NSL1: variants seen among roughly 807,000 people sequenced by gnomAD.
The protein encoded by NSL1 is NSL1 component of MIS12 kinetochore complex, also known as kinetochore-associated protein NSL1 homolog.
NSL1 carries 11 observed loss-of-function variants against 25.4 expected under a neutral mutation model. That is an observed-to-expected ratio of 0.43 (90% confidence interval 0.27 to 0.72). NSL1 has a LOEUF of 0.72. Among genes scored for constraint, NSL1 ranks in the 30% least tolerant of loss-of-function variants. The pLI, the probability that NSL1 is intolerant of heterozygous loss-of-function variation, is 0.19. For synonymous variants in NSL1, 118 were observed against 120.6 expected, an observed-to-expected ratio of 0.98 and a Z score of 0.14; for missense variants, 330 against 342.7, an observed-to-expected ratio of 0.96 and a Z score of 0.29.
Position 212,732,090 on chromosome 1 carries a change from T to C in NSL1, c.*6318A>G. Reference sequence around the variant, plus strand: ...GTTTTTATTATTATGGCTATATAAATATTGTTCACTGGAGAACTAATTTGT... The same window carrying C: ...GTTTTTATTATTATGGCTATATAAACATTGTTCACTGGAGAACTAATTTGT... On this transcript the variant is annotated 3_prime_UTR_variant, in exon 6 of 6. Transcript: ENST00000366977. 2 of 980,810 alleles carry C rather than the reference T, an allele frequency of 2.0e-6. No individual in the cohort carries two copies. Among genetic ancestry groups the C allele is most frequent in the South Asian group, 4.7e-5 (1 of 21,166 alleles). 60.8% of individuals were successfully genotyped at this position (980,810 alleles called of 1,614,324 possible).
intron 2 of NSL1, among the ~76,000 whole-genome samples, chr1:212,787,029 GC>G (rs139683991): frequency 0.023 from 3,453 of 152,002 alleles, 60 homozygotes; most frequent in South Asian, 0.042. Context: ...AGGCGTGGTG[GC>G]CACATGCCTG....
intron 3 of NSL1, among the ~76,000 whole-genome samples, chr1:212,783,296 G>T (rs1014643257): frequency 3.3e-5 from 5 of 152,028 alleles, no homozygotes; most frequent in South Asian, 2.1e-4. Context: ...TAGTTTTGGG[G>T]GTTTAGGGGT....
intron 2 of NSL1, among the ~76,000 whole-genome samples, chr1:212,786,525 T>A (rs1043968540): frequency 1.3e-5 from 2 of 152,112 alleles, no homozygotes; most frequent in African/African-American, 4.8e-5. Flanking sequence ...ATCACAAAAT[T>A]TGAACAGAAG....
rs1658184002 is a variant in NSL1, at chr1:212,735,215, T to C, written c.*3193A>G. The C allele has an allele frequency of 1.5e-6, 1 of 681,798 alleles. No homozygotes were observed. 42.2% of individuals were successfully genotyped at this position (681,798 alleles called of 1,614,324 possible). ...GATCATAGACAGGTTAAGTAACTTG[T>C]CCAATATCATTGAACTAATAATGGT... On this transcript the variant is annotated 3_prime_UTR_variant, in exon 6 of 6. Coordinates refer to ENST00000366977, the MANE Select transcript of NSL1 (RefSeq NM_015471.4).
intron 4 of NSL1, among the ~76,000 whole-genome samples, chr1:212,740,608 G>A (rs1190205487): frequency 3.3e-5 from 5 of 152,016 alleles, no homozygotes; most frequent in Non-Finnish European, 7.4e-5. Context: ...TGTATAGACA[G>A]TAAGTTCAGC....
intron 1 of NSL1, among the ~76,000 whole-genome samples, chr1:212,788,572 T>C (rs1446327886): frequency 6.6e-6 from 1 of 152,188 alleles, no homozygotes; most frequent in Non-Finnish European, 1.5e-5. Flanking sequence ...TTGGACTTCA[T>C]CAAAATTTTT....
Position 212,735,430 on chromosome 1 carries a change from C to T in NSL1, c.*2978G>A, listed in dbSNP as rs1658193946. 3 of 985,248 alleles carry T rather than the reference C, an allele frequency of 3.0e-6. No homozygotes were observed. The highest frequency in any genetic ancestry group is 3.6e-6 in the Non-Finnish European group (3 of 829,916). 61.0% of individuals were successfully genotyped at this position (985,248 alleles called of 1,614,324 possible). On this transcript the variant is annotated 3_prime_UTR_variant, in exon 6 of 6. Transcript: ENST00000366977. The stretch of plus-strand genomic sequence containing the variant: ...CTTAGAAAAGAAAAAGTACATCTTA[C>T]AAGATGAAATCATACTGTTTGAAGC...
chr1:212,753,778 A>G (rs1342964290), intron 4 of NSL1, among the ~76,000 whole-genome samples: 1 of 152,226 alleles, frequency 6.6e-6, no homozygotes, highest in Non-Finnish European at 1.5e-5. Flanking sequence ...TTTGTGAGAG[A>G]GCATAAACAA....
Position 212,731,125 on chromosome 1 carries a change from A to AT in NSL1, c.*7282dup, listed in dbSNP as rs1455150357. On this transcript the variant is annotated 3_prime_UTR_variant, in exon 6 of 6. Coordinates refer to ENST00000366977, the MANE Select transcript of NSL1 (RefSeq NM_015471.4). ...CCCTTCAGTGGTTCTCTAGAGAGAT[A>AT]TTTTTTTCTTCAGAGACTTTCATAA... The AT allele has an allele frequency of 2.0e-6, 2 of 983,188 alleles. No homozygotes were observed. The highest frequency in any genetic ancestry group is 2.4e-6 in the Non-Finnish European group (2 of 829,264). 60.9% of individuals were successfully genotyped at this position (983,188 alleles called of 1,614,324 possible).
At position 212,736,742 on chromosome 1, in the gene NSL1, C is replaced by T. The variant is rs1658247519; in HGVS notation, c.*1666G>A. On this transcript the variant is annotated 3_prime_UTR_variant, in exon 6 of 6. Coordinates refer to ENST00000366977, the MANE Select transcript of NSL1 (RefSeq NM_015471.4). ...TTTCCAACACAAAGTAGAATATAGT[C>T]ATTACACAGATTCAACATTAACAGG... 4.1e-6 allele frequency: 4 copies of T among 984,222 alleles called. No homozygotes were observed. Among genetic ancestry groups the T allele is most frequent in the Non-Finnish European group, 4.8e-6 (4 of 828,994 alleles). The allele number at this position is 984,222 out of a possible 1,614,324, so 61.0% of individuals were successfully genotyped here. A position where few individuals can be genotyped will look rare whatever the true frequency, so the allele number is the denominator to read the frequency against.
Position 212,780,004 on chromosome 1 carries a change from A to G in NSL1, c.499+2368T>C, listed in dbSNP as rs1288071374. ...GGCCGCCACCCCGTCTGGGAGGTGT[A>G]CCCAACAGCTCATTGAGAACGGGCC... On this transcript the variant is annotated intron_variant, in intron 4 of 5. Transcript: ENST00000366977. 4.9e-4 allele frequency among the ~76,000 whole-genome samples: 74 copies of G among 151,868 alleles called. No homozygotes were observed. The East Asian group carries it at 0.014, about 29-fold the overall frequency.
At position 212,738,461 on chromosome 1, in the gene NSL1, G is replaced by A. The variant is rs770260663; in HGVS notation, c.793C>T (p.Pro265Ser). The change falls in exon 6 of 6, where the codon CCC becomes TCC. Residue 265 changes from proline (P) to serine (S), a missense_variant. Physicochemically the swap from Pro to Ser is moderately conservative, Grantham distance 74. Coordinates refer to ENST00000366977, the MANE Select transcript of NSL1 (RefSeq NM_015471.4). ...VLKRKQTKDC[P>S]QRKWYPLRPK... ...CGCAATGGATACCATTTTCTCTGGGGGCAGTCTTTAGTTTGCTTTCTTTTC... is the reference window on the plus strand; with the variant it reads ...CGCAATGGATACCATTTTCTCTGGGAGCAGTCTTTAGTTTGCTTTCTTTTC... The A allele has an allele frequency of 1.2e-6, 2 of 1,613,902 alleles. No individual in the cohort carries two copies. The highest frequency in any genetic ancestry group is 1.7e-5 in the Admixed American group (1 of 60,006).
intron 4 of NSL1, chr1:212,782,137 G>T: frequency 1.4e-6 from 1 of 706,806 alleles, no homozygotes; most frequent in Non-Finnish European, 2.6e-6. Context: ...GTCTGGGTCA[G>T]GCAAGAACTT....
At position 212,729,671 on chromosome 1, in the gene NSL1, A is replaced by T. The variant is rs765715599; in HGVS notation, c.*8737T>A. 6.1e-6 allele frequency: 6 copies of T among 985,398 alleles called. No individual in the cohort carries two copies. The highest frequency in any genetic ancestry group is 7.2e-6 in the Non-Finnish European group (6 of 829,924). 61.0% of individuals were successfully genotyped at this position (985,398 alleles called of 1,614,324 possible). On this transcript the variant is annotated 3_prime_UTR_variant, in exon 6 of 6. Coordinates refer to ENST00000366977, the MANE Select transcript of NSL1 (RefSeq NM_015471.4). The stretch of plus-strand genomic sequence containing the variant: ...TTCGAACACTTATTTTAACCTTTTC[A>T]CCAAATTTTTGTCAGAGAAGGAAAT...
intron 4 of NSL1, among the ~76,000 whole-genome samples, chr1:212,758,431 T>C (rs1406991943): frequency 6.6e-6 from 1 of 152,180 alleles, no homozygotes; most frequent in Non-Finnish European, 1.5e-5. Flanking sequence ...TAAACAACTA[T>C]TAGAACTAAT....
At chr1:212,741,115 G>T (rs1658482183) in intron 4 of NSL1, among the ~76,000 whole-genome samples, 1 of 152,050 alleles carries the variant, frequency 6.6e-6, no homozygotes, top group Admixed American at 6.6e-5. Flanking sequence ...TCCTTGCCTT[G>T]AAATAACATC....
At chr1:212,771,312 C>G (rs1660099245) in intron 4 of NSL1, among the ~76,000 whole-genome samples, 1 of 151,868 alleles carries the variant, frequency 6.6e-6, no homozygotes, top group Admixed American at 6.6e-5. Flanking sequence ...AAAACTCCAT[C>G]TCAAAAAACA....
intron 4 of NSL1, among the ~76,000 whole-genome samples, chr1:212,758,371 G>T (rs1659410012): frequency 6.6e-6 from 1 of 152,250 alleles, no homozygotes; most frequent in South Asian, 2.1e-4. Flanking sequence ...TAAAATATCT[G>T]TTTGCAGATG....
chr1:212,734,260 G>A lies in NSL1; in HGVS notation c.*4148C>T, dbSNP rs182894626. Among the ~76,000 whole-genome samples the A allele has an allele frequency of 2.6e-5, 4 of 152,024 alleles. No homozygotes were observed. Among genetic ancestry groups the A allele is most frequent in the Non-Finnish European group, 2.9e-5 (2 of 67,996 alleles). On this transcript the variant is annotated 3_prime_UTR_variant, in exon 6 of 6. Transcript: ENST00000366977. Reference sequence around the variant, plus strand: ...TTCACTCAGTTAACCACTATGCATCGAGGGCCCATCATGTGCCAGCAATTA... The same window carrying A: ...TTCACTCAGTTAACCACTATGCATCAAGGGCCCATCATGTGCCAGCAATTA...
Sources: allele counts gnomAD v4.1 joint callset (sites outside exome capture counted in the v4.1 genomes callset), GRCh38; gene constraint gnomAD v4.1.1; transcripts MANE v1.5; gene names NCBI Gene and HGNC (gene_info 2026-07-23, HGNC 2026-07-21).